ATG13: variants seen among roughly 807,000 people sequenced by gnomAD.
The protein encoded by ATG13 is autophagy-related protein 13.
ATG13 carries 23 observed loss-of-function variants against 65.5 expected under a neutral mutation model. That is an observed-to-expected ratio of 0.35 (90% CI 0.25 to 0.50). The LOEUF (loss-of-function observed/expected upper bound fraction) is 0.50. ATG13 is among the 20% of genes least tolerant of loss of function. ATG13 has a pLI of 0.98. For synonymous variants in ATG13, 252 were observed against 245.2 expected, an observed-to-expected ratio of 1.03 and a Z score of -0.26; for missense variants, 566 against 677.0, an observed-to-expected ratio of 0.84 and a Z score of 1.82.
intron 6 of ATG13, 27 bp from the exon 7 acceptor site, chr11:46,650,150 T>A: frequency 1.2e-6 from 2 of 1,610,934 alleles, no homozygotes; most frequent in Non-Finnish European, 1.7e-6. Context: ...AATAGAAGAA[T>A]GCTGACCATA....
intron 14 of ATG13, among the ~76,000 whole-genome samples, 172 bp downstream of exon 14, chr11:46,665,691 C>T (rs2062156161): frequency 6.6e-6 from 1 of 151,016 alleles, no homozygotes; most frequent in Non-Finnish European, 1.5e-5. Context: ...CACCTATAAT[C>T]CCAGCACTTT....
chr11:46,651,820 T>C (rs2058961100), intron 7 of ATG13, among the ~76,000 whole-genome samples: 1 of 152,206 alleles, frequency 6.6e-6, no homozygotes, highest in African/African-American at 2.4e-5. Flanking sequence ...CAAGTTGTTT[T>C]ATTTGAAAAT....
intron 4 of ATG13, 36 bp from the exon 5 acceptor site, chr11:46,645,834 T>C: frequency 6.2e-7 from 1 of 1,613,296 alleles, no homozygotes; most frequent in South Asian, 1.1e-5. Flanking sequence ...AATGTTCCTG[T>C]GAGTGTTTCA....
At chr11:46,664,802 T>C (rs1247064907) in intron 12 of ATG13, 47 bp from the exon 13 acceptor site, 1 of 1,556,618 alleles carries the variant, frequency 6.4e-7, no homozygotes, top group Non-Finnish European at 8.9e-7. Flanking sequence ...GATTGCCTAT[T>C]TTTTCCTTGC....
At chr11:46,632,995 T>TAAA (rs369521444) in intron 2 of ATG13, among the ~76,000 whole-genome samples, 179 of 104,316 alleles carry the variant, frequency 1.7e-3, no homozygotes, top group African/African-American at 6.2e-3. Context: ...AGACCCCCAT[T>TAAA]AAAAAAAAAT....
At chr11:46,655,862 C>G (rs1240934835) in intron 7 of ATG13, among the ~76,000 whole-genome samples, 2 of 152,100 alleles carry the variant, frequency 1.3e-5, no homozygotes, top group African/African-American at 4.8e-5. Flanking sequence ...CTCAGCCTCC[C>G]AGTTATCTGG....
intron 1 of ATG13, among the ~76,000 whole-genome samples, chr11:46,619,670 G>A (rs999382484): frequency 9.2e-5 from 14 of 151,742 alleles, no homozygotes; most frequent in Admixed American, 8.5e-4. Flanking sequence ...TTACAGACAT[G>A]AGCCACCACT....
intron 5 of ATG13, 85 bp downstream of exon 5, chr11:46,646,074 C>T (rs2057445379): frequency 1.3e-6 from 2 of 1,530,898 alleles, no homozygotes; most frequent in Non-Finnish European, 1.8e-6. Context: ...AGTCTTATTC[C>T]TGCCCCTTTC....
At chr11:46,648,818 C>A in intron 5 of ATG13, 1 of 172,072 alleles carries the variant, frequency 5.8e-6, no homozygotes, top group Non-Finnish European at 1.2e-5. Context: ...GAGAAACAAC[C>A]TTTATGTCCA....
intron 1 of ATG13, among the ~76,000 whole-genome samples, chr11:46,623,158 G>A (rs1400887973): frequency 2.0e-5 from 3 of 152,170 alleles, no homozygotes; most frequent in Non-Finnish European, 2.9e-5. Flanking sequence ...GCCGTGTGTG[G>A]TGGCGGGCAC....
At chr11:46,627,599 T>A (rs1174909997) in intron 1 of ATG13, among the ~76,000 whole-genome samples, 1 of 151,886 alleles carries the variant, frequency 6.6e-6, no homozygotes, top group Non-Finnish European at 1.5e-5. Flanking sequence ...GCCTCCCAAG[T>A]AGCTGGGATT....
At chr11:46,668,950 G>A in intron 17 of ATG13, 40 bp downstream of exon 17, 1 of 1,493,932 alleles carries the variant, frequency 6.7e-7, no homozygotes, top group Non-Finnish European at 9.3e-7. Flanking sequence ...GCTGTCCCGG[G>A]GAACTAGACC....
intron 1 of ATG13, among the ~76,000 whole-genome samples, chr11:46,629,557 C>T (rs1350590535): frequency 6.6e-6 from 1 of 151,328 alleles, no homozygotes; most frequent in Admixed American, 6.6e-5. Flanking sequence ...CCATCACGCC[C>T]GGCTAATTTT....
intron 13 of ATG13, 138 bp downstream of exon 13, chr11:46,665,097 A>T (rs1336155980): frequency 1.1e-6 from 1 of 918,118 alleles, no homozygotes. Context: ...GACTTCAGAG[A>T]CCAAAAGTGA....
intron 4 of ATG13, 119 bp downstream of exon 4, chr11:46,645,538 A>G: frequency 1.2e-6 from 1 of 857,484 alleles, no homozygotes. Context: ...AAAATATCTA[A>G]TTCCATTTGA....
intron 3 of ATG13, 96 bp downstream of exon 3, chr11:46,644,456 C>G (rs1187423003): frequency 9.4e-7 from 1 of 1,062,376 alleles, no homozygotes; most frequent in Non-Finnish European, 1.4e-6. Context: ...AGCATAACAG[C>G]TTGCAGCTTG....
intron 2 of ATG13, among the ~76,000 whole-genome samples, chr11:46,641,365 C>T (rs955017363): frequency 3.9e-5 from 6 of 152,036 alleles, no homozygotes; most frequent in Non-Finnish European, 5.9e-5. Flanking sequence ...CCACTGTGCC[C>T]GGCCTAGAAT....
At chr11:46,650,440 C>G in intron 7 of ATG13, 123 bp downstream of exon 7, 1 of 1,319,072 alleles carries the variant, frequency 7.6e-7, no homozygotes, top group South Asian at 1.4e-5. Flanking sequence ...ATTATTGATG[C>G]TGTCGCTTTC....
chr11:46,671,619 G>A (rs61884295), intron 18 of ATG13, among the ~76,000 whole-genome samples: 22,809 of 152,112 alleles, frequency 0.15, 1,747 homozygotes, highest in African/African-American at 0.17. Context: ...CGCCTCAGGA[G>A]GCTACTCAAG....
Sources: gnomAD v4.1 joint callset for allele counts (sites outside exome capture counted in the v4.1 genomes callset) on GRCh38, gnomAD v4.1.1 for gene constraint, MANE v1.5 for transcripts, NCBI Gene and HGNC (gene_info 2026-07-23, HGNC 2026-07-21) for gene names.